Variants in WT1 observed in about 807,000 individuals in gnomAD.
WT1 encodes Wilms tumor protein.
In WT1, 8 loss-of-function variants were observed where a neutral mutation model predicts 60.8. That is an observed-to-expected ratio of 0.13 (90% confidence interval 0.08 to 0.24). The LOEUF is 0.24. WT1 is among the 10% of genes least tolerant of loss of function. The pLI is 1.00. For synonymous variants in WT1, 312 were observed against 297.1 expected (o/e 1.05, Z -0.52); for missense variants, 568 against 711.8 (o/e 0.80, Z 2.30).
intron 5 of WT1, among the ~76,000 whole-genome samples, chr11:32,409,131 C>T (rs1018802206): frequency 6.6e-6 from 1 of 152,192 alleles, no homozygotes; most frequent in Non-Finnish European, 1.5e-5. Flanking sequence ...TTCAGAGCTG[C>T]TGGCAACCTG....
At position 32,400,048 on chromosome 11, in the gene WT1, C is replaced by G. The variant is rs1043846933; in HGVS notation, c.1017-4G>C. ...GCTCTCGTACCCTGTGCTGTGGCTG[C>G]AAACACAAAGAAGGGAAAAAGGCTC... On this transcript the variant is annotated splice_region_variant and splice_polypyrimidine_tract_variant and intron_variant, in intron 5 of 9. Coordinates refer to ENST00000452863, the MANE Select transcript of WT1 (RefSeq NM_024426.6). 1.7e-5 allele frequency: 28 copies of G among 1,613,980 alleles called. No individual in the cohort carries two copies. The highest frequency in any genetic ancestry group is 2.4e-5 in the Non-Finnish European group (28 of 1,179,998).
chr11:32,391,943 A>G, intron 9 of WT1, 29 bp downstream of exon 9: 2 of 1,598,270 alleles, frequency 1.3e-6, no homozygotes, highest in Non-Finnish European at 8.6e-7. Context: ...AAAATAATGA[A>G]AAATAAATGT....
intron 5 of WT1, among the ~76,000 whole-genome samples, chr11:32,403,877 G>C (rs572831978): frequency 6.6e-6 from 1 of 151,760 alleles, no homozygotes; most frequent in African/African-American, 2.4e-5. Flanking sequence ...GCGCCCAGCC[G>C]CAAATATTAC....
At chr11:32,433,140 A>C (rs1046159958) in intron 1 of WT1, among the ~76,000 whole-genome samples, 2 of 152,236 alleles carry the variant, frequency 1.3e-5, no homozygotes, top group African/African-American at 4.8e-5. Flanking sequence ...GAAACTCCCC[A>C]AAAGTAACAC....
At chr11:32,420,622 C>T (rs1852823882) in intron 3 of WT1, among the ~76,000 whole-genome samples, 1 of 152,022 alleles carries the variant, frequency 6.6e-6, no homozygotes, top group African/African-American at 2.4e-5. Context: ...AGCCCCCACC[C>T]TCACTCTGCC....
At chr11:32,399,052 A>G (rs1387949631) in intron 6 of WT1, among the ~76,000 whole-genome samples, 1 of 150,620 alleles carries the variant, frequency 6.6e-6, no homozygotes, top group Non-Finnish European at 1.5e-5. Context: ...GCTACTCGGG[A>G]GGCTGAGGCA....
In WT1 at chr11:32,435,367, G is replaced by A; in HGVS notation, c.-7C>T. Reference sequence around the variant, plus strand: ...GCAGCAAGAGGAAGTCCAGGATCGCGGCGAGGAGACGGCGGGGCCCGGGCG... The same window carrying A: ...GCAGCAAGAGGAAGTCCAGGATCGCAGCGAGGAGACGGCGGGGCCCGGGCG... On this transcript the variant is annotated 5_prime_UTR_variant, in exon 1 of 10. Coordinates refer to ENST00000452863, the MANE Select transcript of WT1 (RefSeq NM_024426.6). 3.9e-6 allele frequency: 6 copies of A among 1,525,828 alleles called. No homozygotes were observed. Among genetic ancestry groups the A allele is most frequent in the Non-Finnish European group, 5.3e-6 (6 of 1,141,490 alleles). The allele number at this position is 1,525,828 out of a possible 1,614,324, so 94.5% of individuals were successfully genotyped here.
chr11:32,407,267 C>T (rs1180877515), intron 5 of WT1, among the ~76,000 whole-genome samples: 1 of 151,696 alleles, frequency 6.6e-6, no homozygotes, highest in African/African-American at 2.4e-5. Flanking sequence ...AAACAAAAAA[C>T]AAAACACTTA....
At chr11:32,428,398 C>T in intron 2 of WT1, 99 bp downstream of exon 2, 1 of 1,585,954 alleles carries the variant, frequency 6.3e-7, no homozygotes, top group Non-Finnish European at 8.6e-7. Flanking sequence ...TTTTAGATGT[C>T]CTCCTTTGCC....
intron 9 of WT1, 56 bp downstream of exon 9, chr11:32,391,916 T>C: frequency 6.4e-7 from 1 of 1,557,670 alleles, no homozygotes; most frequent in Non-Finnish European, 8.9e-7. Flanking sequence ...CACAATTTCA[T>C]TCCACAATAG....
At chr11:32,416,223 G>C (rs1261944952) in intron 5 of WT1, among the ~76,000 whole-genome samples, 1 of 152,124 alleles carries the variant, frequency 6.6e-6, no homozygotes, top group Non-Finnish European at 1.5e-5. Context: ...AGTATTTTGT[G>C]AAGTATTCAC....
intron 5 of WT1, among the ~76,000 whole-genome samples, chr11:32,402,561 T>C (rs1267158172): frequency 1.3e-5 from 2 of 152,242 alleles, no homozygotes; most frequent in African/African-American, 4.8e-5. Flanking sequence ...TTCTTTCTTT[T>C]TCTTTTTTAG....
At chr11:32,419,292 C>T (rs2133043136) in intron 3 of WT1, among the ~76,000 whole-genome samples, 1 of 152,300 alleles carries the variant, frequency 6.6e-6, no homozygotes, top group South Asian at 2.1e-4. Flanking sequence ...TCCACAATCT[C>T]TCTACTGGTT....
chr11:32,432,677 A>T (rs1319390829), intron 1 of WT1, among the ~76,000 whole-genome samples: 1 of 152,122 alleles, frequency 6.6e-6, no homozygotes, highest in East Asian at 1.9e-4. Flanking sequence ...CCACGCCTGT[A>T]TATTACAGAA....
chr11:32,433,053 G>T (rs1853364647), intron 1 of WT1, among the ~76,000 whole-genome samples: 1 of 152,158 alleles, frequency 6.6e-6, no homozygotes, highest in South Asian at 2.1e-4. Context: ...CATCTATGGA[G>T]TATAACTTCA....
chr11:32,394,118 G>A (rs1344731121), intron 7 of WT1, among the ~76,000 whole-genome samples: 1 of 152,046 alleles, frequency 6.6e-6, no homozygotes, highest in African/African-American at 2.4e-5. Context: ...GGCTGGTCTT[G>A]AACCCCTTAA....
intron 4 of WT1, among the ~76,000 whole-genome samples, chr11:32,417,030 T>C (rs1474698687): frequency 6.6e-6 from 1 of 152,214 alleles, no homozygotes; most frequent in African/African-American, 2.4e-5. Flanking sequence ...TTCTTTTTTT[T>C]ATTTTTTCAT....
rs2133108655 is a variant in WT1 at position 32,435,420 on chromosome 11, G to T, written c.-60C>A. 5 of 926,088 alleles carry T rather than the reference G, an allele frequency of 5.4e-6. No homozygotes were observed. In the South Asian group the frequency reaches 6.5e-5, roughly 12 times the overall value. The allele number at this position is 926,088 out of a possible 1,614,324, so 57.4% of individuals were successfully genotyped here. On this transcript the variant is annotated 5_prime_UTR_variant, in exon 1 of 10. Coordinates refer to ENST00000452863, the MANE Select transcript of WT1 (RefSeq NM_024426.6). ...TGGGCTGCCGTCCCGGCTCTGGGTG[G>T]GTGGGTGGGTGAATGAGTAGGTGGG...
chr11:32,389,663 T>A lies in WT1; in HGVS notation c.1448-484A>T, dbSNP rs1851758832. 2.6e-5 allele frequency among the ~76,000 whole-genome samples: 4 copies of A among 152,250 alleles called. No individual in the cohort carries two copies. The South Asian group carries it at 8.3e-4, about 32-fold the overall frequency. On this transcript the variant is annotated intron_variant, in intron 9 of 9. Coordinates refer to ENST00000452863, the MANE Select transcript of WT1 (RefSeq NM_024426.6). ...GTGACTGAAGCTTTTAACACTTCTA[T>A]CTGTGTAGATACCCTGGATGGGCTG...
Sources: allele counts gnomAD v4.1 joint callset (sites outside exome capture counted in the v4.1 genomes callset), GRCh38; gene constraint gnomAD v4.1.1; transcripts MANE v1.5; gene names NCBI Gene and HGNC (gene_info 2026-07-23, HGNC 2026-07-21).